The following DDAH1 variants were observed in gnomAD, a reference collection of about 807,000 sequenced individuals.
DDAH1 encodes the protein N(G),N(G)-dimethylarginine dimethylaminohydrolase 1.
DDAH1 carries 19 observed loss-of-function variants against 28.8 expected under a neutral mutation model. That is an observed-to-expected ratio of 0.66 (90% CI 0.46 to 0.97). The LOEUF (loss-of-function observed/expected upper bound fraction) is 0.97. Ranked by LOEUF, DDAH1 falls within the 50% of genes least tolerant of loss-of-function variation. DDAH1 has a pLI of 0.00. For synonymous variants in DDAH1, 153 were observed against 154.4 expected (o/e 0.99, Z 0.07); for missense variants, 326 against 375.9 (o/e 0.87, Z 1.10).
At chr1:85,537,486 G>T (rs1202341321) in intron 1 of DDAH1, among the ~76,000 whole-genome samples, 61 of 119,036 alleles carry the variant, frequency 5.1e-4, no homozygotes, top group African/African-American at 1.8e-3. Context: ...AAAAAAGATT[G>T]CTATCACAGA....
At chr1:85,372,936 A>G (rs1355027558) in intron 1 of DDAH1, among the ~76,000 whole-genome samples, 1 of 151,968 alleles carries the variant, frequency 6.6e-6, no homozygotes, top group Non-Finnish European at 1.5e-5. Flanking sequence ...GAAATGTACA[A>G]AGCCTACAGT....
intron 1 of DDAH1, among the ~76,000 whole-genome samples, chr1:85,392,995 C>T (rs1391377279): frequency 1.3e-5 from 2 of 152,094 alleles, no homozygotes; most frequent in East Asian, 3.8e-4. Flanking sequence ...TTGACATGGA[C>T]ACTCTAAGCA....
At chr1:85,567,431 G>A (rs1570681740) in intron 1 of DDAH1, among the ~76,000 whole-genome samples, 1 of 152,256 alleles carries the variant, frequency 6.6e-6, no homozygotes. Flanking sequence ...TTAAAAATGG[G>A]GAGTTTCTCT....
chr1:85,519,088 CTTTTTTTTTTTTT>C (rs71075842), intron 1 of DDAH1, among the ~76,000 whole-genome samples: 1 of 69,128 alleles, frequency 1.4e-5, no homozygotes, highest in African/African-American at 5.3e-5. Flanking sequence ...AAAGACGGAT[CTTTTTTTTTTTTT>C]TTTTTTTTTT....
At chr1:85,484,122 G>A (rs2100720252) in intron 2 of DDAH1, among the ~76,000 whole-genome samples, 1 of 150,886 alleles carries the variant, frequency 6.6e-6, no homozygotes, top group South Asian at 2.1e-4. Flanking sequence ...GTTGCCTCTA[G>A]GCCCAAACAT....
intron 1 of DDAH1, among the ~76,000 whole-genome samples, chr1:85,532,025 C>T (rs1178981226): frequency 1.3e-5 from 2 of 151,888 alleles, no homozygotes; most frequent in East Asian, 1.9e-4. Flanking sequence ...ATGCCTATTA[C>T]CACAGCTAAC....
intron 1 of DDAH1, among the ~76,000 whole-genome samples, chr1:85,393,882 A>G (rs1651679917): frequency 6.6e-6 from 1 of 152,200 alleles, no homozygotes; most frequent in Non-Finnish European, 1.5e-5. Flanking sequence ...GAGATTGATA[A>G]TCTAAAGAAG....
At chr1:85,546,601 A>C (rs1169808880) in intron 1 of DDAH1, among the ~76,000 whole-genome samples, 1 of 152,174 alleles carries the variant, frequency 6.6e-6, no homozygotes, top group East Asian at 1.9e-4. Context: ...AGAGCTCTAA[A>C]TCCTTACTAG....
At chr1:85,514,342 C>G (rs1484275611) in intron 1 of DDAH1, among the ~76,000 whole-genome samples, 2 of 152,086 alleles carry the variant, frequency 1.3e-5, no homozygotes, top group East Asian at 1.9e-4. Flanking sequence ...AATGAGATCA[C>G]TTGGACACAG....
intron 1 of DDAH1, among the ~76,000 whole-genome samples, chr1:85,402,243 C>T (rs547985669): frequency 6.7e-6 from 1 of 149,796 alleles, no homozygotes; most frequent in African/African-American, 2.5e-5. Context: ...CTCAGTGATC[C>T]TCCTGCCTTG....
chr1:85,471,892 T>C (rs929606334), intron 2 of DDAH1, among the ~76,000 whole-genome samples: 12 of 152,186 alleles, frequency 7.9e-5, no homozygotes, highest in African/African-American at 2.9e-4. Flanking sequence ...GTTCCTCTGT[T>C]GGGGCTCAGA....
At chr1:85,480,211 T>C (rs1655961162) in intron 2 of DDAH1, among the ~76,000 whole-genome samples, 2 of 152,202 alleles carry the variant, frequency 1.3e-5, no homozygotes, top group Admixed American at 6.5e-5. Flanking sequence ...TCCCCATCCC[T>C]GGGTTGCCTC....
chr1:85,449,709 T>C (rs1003318267), intron 1 of DDAH1, among the ~76,000 whole-genome samples: 7 of 151,958 alleles, frequency 4.6e-5, no homozygotes, highest in Admixed American at 3.9e-4. Context: ...GAAAACTACA[T>C]GAAGCACAAC....
At chr1:85,380,279 T>G (rs1650917216) in intron 1 of DDAH1, 1 of 152,200 alleles carries the variant, frequency 6.6e-6, no homozygotes. Context: ...ATAATCCGGG[T>G]AAACACAGTC....
intron 1 of DDAH1, among the ~76,000 whole-genome samples, chr1:85,438,972 C>T (rs917076164): frequency 6.6e-6 from 1 of 152,162 alleles, no homozygotes; most frequent in Non-Finnish European, 1.5e-5. Context: ...TGAAATAACT[C>T]GTCTTCACTA....
chr1:85,550,335 C>G (rs1658749487), intron 1 of DDAH1, among the ~76,000 whole-genome samples: 1 of 152,116 alleles, frequency 6.6e-6, no homozygotes, highest in Admixed American at 6.5e-5. Context: ...AGCTGAGGCC[C>G]AGAGGTTCTG....
At chr1:85,466,311 C>A (rs757901975), upstream of DDAH1, among the ~76,000 whole-genome samples, 2 of 152,198 alleles carry the variant, frequency 1.3e-5, no homozygotes, top group African/African-American at 2.4e-5. Context: ...AGTGCAGTGG[C>A]ACGATCTCGG....
intron 1 of DDAH1, among the ~76,000 whole-genome samples, chr1:85,530,989 T>TAA (rs1240278579): frequency 5.2e-5 from 1 of 19,178 alleles, no homozygotes; most frequent in Non-Finnish European, 1.2e-4. Flanking sequence ...AGACTCTGTC[T>TAA]CAAAAAAAAA....
intron 1 of DDAH1, among the ~76,000 whole-genome samples, chr1:85,542,490 T>C (rs1469546773): frequency 6.6e-6 from 1 of 152,176 alleles, no homozygotes; most frequent in Non-Finnish European, 1.5e-5. Context: ...GAAAACGAGG[T>C]TTGTATCACC....
Sources: gnomAD v4.1 joint callset for allele counts (sites outside exome capture counted in the v4.1 genomes callset) on GRCh38, gnomAD v4.1.1 for gene constraint, MANE v1.5 for transcripts, NCBI Gene and HGNC (gene_info 2026-07-23, HGNC 2026-07-21) for gene names.